The following TRHDE variants were observed in gnomAD, a reference collection of about 807,000 sequenced individuals.
TRHDE encodes thyrotropin releasing hormone degrading enzyme.
Under a neutral mutation model 125.7 loss-of-function variants are expected in TRHDE, and 72 were observed. The ratio of observed to expected loss-of-function variants is 0.57; its 90% CI spans 0.47 to 0.70. The LOEUF (loss-of-function observed/expected upper bound fraction) is 0.70, where lower values mean the gene tolerates loss of function less well. Among genes scored for constraint, TRHDE ranks in the 30% least tolerant of loss-of-function variants. The probability of loss-of-function intolerance (pLI) is 0.00; values close to 1 mark genes in which losing one functional copy is unlikely to be tolerated. For synonymous variants in TRHDE, 509 were observed against 509.1 expected (o/e 1.00, Z 0.00); for missense variants, 1,110 against 1,327.1 (o/e 0.84, Z 2.54).
chr12:72,475,469 G>T (rs1283510801), intron 5 of TRHDE, among the ~76,000 whole-genome samples: 5 of 152,114 alleles, frequency 3.3e-5, no homozygotes, highest in African/African-American at 9.7e-5. Flanking sequence ...TATACATGGG[G>T]TGAAAAGTGA....
chr12:72,521,440 A>G (rs1021916700), intron 6 of TRHDE, among the ~76,000 whole-genome samples: 13 of 152,194 alleles, frequency 8.5e-5, no homozygotes, highest in African/African-American at 2.9e-4. Flanking sequence ...AGCATGGTGT[A>G]GAGGGGAGAG....
At chr12:72,093,417 G>A (rs1240098488) in intron 1 of TRHDE, among the ~76,000 whole-genome samples, 1 of 152,054 alleles carries the variant, frequency 6.6e-6, no homozygotes, top group Non-Finnish European at 1.5e-5. Flanking sequence ...TAAGCTTTCT[G>A]TGTTTTTCTT....
intron 15 of TRHDE, among the ~76,000 whole-genome samples, chr12:72,648,565 A>G (rs539612212): frequency 6.6e-6 from 1 of 152,290 alleles, no homozygotes; most frequent in South Asian, 2.1e-4. Flanking sequence ...ATATAAAATC[A>G]ACACACAAAA....
At chr12:72,278,201 T>C (rs1455529778) in intron 1 of TRHDE, among the ~76,000 whole-genome samples, 1 of 152,176 alleles carries the variant, frequency 6.6e-6, no homozygotes, top group East Asian at 1.9e-4. Flanking sequence ...AATATTTGTC[T>C]TTTTGTGCCT....
intron 5 of TRHDE, among the ~76,000 whole-genome samples, chr12:72,491,405 T>G (rs762639337): frequency 6.6e-6 from 1 of 151,906 alleles, no homozygotes; most frequent in Admixed American, 6.6e-5. Context: ...AGTGACTGAT[T>G]GATAACTTCT....
intron 9 of TRHDE, among the ~76,000 whole-genome samples, chr12:72,566,347 C>A (rs1197154790): frequency 3.3e-5 from 5 of 150,664 alleles, no homozygotes; most frequent in Admixed American, 6.6e-5. Flanking sequence ...AAAAATGCCT[C>A]AAAGTTTGTA....
intron 3 of TRHDE, among the ~76,000 whole-genome samples, chr12:72,430,230 AAT>A (rs1205230343): frequency 4.1e-5 from 6 of 147,874 alleles, no homozygotes; most frequent in African/African-American, 1.5e-4. Flanking sequence ...ATATATATGC[AAT>A]ATATATATGT....
intron 2 of TRHDE, among the ~76,000 whole-genome samples, chr12:72,131,701 C>T (rs1167360782): frequency 6.6e-6 from 1 of 152,322 alleles, no homozygotes; most frequent in South Asian, 2.1e-4. Context: ...GGCTCTGCTC[C>T]ATATCATTCT....
At chr12:72,301,671 CTTG>C (rs1868262071) in intron 2 of TRHDE, among the ~76,000 whole-genome samples, 1 of 152,102 alleles carries the variant, frequency 6.6e-6, no homozygotes, top group Admixed American at 6.6e-5. Context: ...CAATGTAGAT[CTTG>C]TAATGCAGTT....
intron 9 of TRHDE, 143 bp from the exon 10 acceptor site, chr12:72,568,425 C>A: frequency 2.1e-6 from 1 of 482,650 alleles, no homozygotes; most frequent in Non-Finnish European, 3.6e-6. Flanking sequence ...TGACCTATGC[C>A]TTACTTTTGT....
rs185933573 is a variant in TRHDE at position 72,403,682 on chromosome 12, G to A, written c.1315+25561G>A. On this transcript the variant is annotated intron_variant, in intron 3 of 18. Coordinates refer to ENST00000261180, the MANE Select transcript of TRHDE (RefSeq NM_013381.3). The stretch of plus-strand genomic sequence containing the variant: ...TGGATTAGATGCTGGAGTAGAATAA[G>A]CCAGATCCAAAGGCAGCAGAATTTG... 5.9e-5 allele frequency among the ~76,000 whole-genome samples: 9 copies of A among 152,282 alleles called. 1 individual carries two copies. The East Asian group carries it at 1.5e-3, about 26-fold the overall frequency.
intron 4 of TRHDE, among the ~76,000 whole-genome samples, chr12:72,470,277 C>A (rs1054287671): frequency 6.6e-6 from 1 of 152,168 alleles, no homozygotes; most frequent in Non-Finnish European, 1.5e-5. Flanking sequence ...TGCATCGCTG[C>A]AAGATGCAGC....
intron 15 of TRHDE, among the ~76,000 whole-genome samples, chr12:72,647,442 A>G (rs2136105805): frequency 6.6e-6 from 1 of 152,116 alleles, no homozygotes; most frequent in Admixed American, 6.6e-5. Context: ...TAGTTAGCAA[A>G]AGGGAGGAAA....
intron 2 of TRHDE, among the ~76,000 whole-genome samples, chr12:72,314,038 A>G (rs560455887): frequency 5.0e-4 from 76 of 152,280 alleles, no homozygotes; most frequent in South Asian, 4.1e-4. Context: ...CTGCTCTTCT[A>G]TGGATAATAA....
intron 6 of TRHDE, 49 bp downstream of exon 6, chr12:72,499,684 G>A (rs777170540): frequency 6.3e-7 from 1 of 1,595,990 alleles, no homozygotes; most frequent in East Asian, 2.2e-5. Context: ...TACCAAGATA[G>A]CTAAACTAAT....
intron 1 of TRHDE, among the ~76,000 whole-genome samples, chr12:72,276,705 A>C (rs1427621857): frequency 6.6e-6 from 1 of 152,204 alleles, no homozygotes; most frequent in African/African-American, 2.4e-5. Context: ...AGTTTTCCCA[A>C]GTTGAGACAA....
intron 2 of TRHDE, among the ~76,000 whole-genome samples, chr12:72,371,417 T>A (rs957434836): frequency 2.6e-5 from 4 of 151,488 alleles, no homozygotes; most frequent in Non-Finnish European, 1.5e-5. Context: ...ATACTTTAAG[T>A]TTTAGGGTAC....
chr12:72,461,612 A>G (rs1876128759), intron 3 of TRHDE, among the ~76,000 whole-genome samples: 2 of 151,768 alleles, frequency 1.3e-5, no homozygotes, highest in South Asian at 2.1e-4. Flanking sequence ...TAATCAAAAT[A>G]CAACTTTTTT....
chr12:72,281,378 G>A (rs1452764575), intron 1 of TRHDE, among the ~76,000 whole-genome samples: 3 of 152,114 alleles, frequency 2.0e-5, no homozygotes, highest in Non-Finnish European at 4.4e-5. Flanking sequence ...TTTTAAATGG[G>A]ACACGTGTAA....
Sources: gnomAD v4.1 joint callset for allele counts (sites outside exome capture counted in the v4.1 genomes callset) on GRCh38, gnomAD v4.1.1 for gene constraint, MANE v1.5 for transcripts, NCBI Gene and HGNC (gene_info 2026-07-23, HGNC 2026-07-21) for gene names.